NRG3: variants seen among roughly 807,000 people sequenced by gnomAD.
The protein encoded by NRG3 is pro-neuregulin-3, membrane-bound isoform.
A neutral mutation model predicts 66.9 loss-of-function variants in NRG3; 31 were observed. That is an observed-to-expected ratio of 0.46 (90% confidence interval 0.35 to 0.63). The LOEUF (loss-of-function observed/expected upper bound fraction) is 0.63, where lower values mean the gene tolerates loss of function less well. Among genes scored for constraint, NRG3 ranks in the 20% least tolerant of loss-of-function variants. The pLI is 0.00. For missense variants in NRG3, 910 were observed against 878.9 expected (o/e 1.04, Z -0.45); for synonymous variants, 393 against 359.4 (o/e 1.09, Z -1.06).
intron 1 of NRG3, among the ~76,000 whole-genome samples, chr10:81,884,938 A>G (rs1005310298): frequency 4.6e-5 from 7 of 152,324 alleles, no homozygotes; most frequent in Admixed American, 2.0e-4. Context: ...GTTTAGGTAG[A>G]ACATTTAACA....
intron 1 of NRG3, among the ~76,000 whole-genome samples, chr10:82,016,035 T>C (rs920211988): frequency 3.3e-5 from 5 of 150,606 alleles, no homozygotes; most frequent in Non-Finnish European, 7.4e-5. Flanking sequence ...AAATATGAGG[T>C]AGTTAGCAAC....
chr10:82,029,060 T>C (rs2132855744), intron 1 of NRG3, among the ~76,000 whole-genome samples: 1 of 151,864 alleles, frequency 6.6e-6, no homozygotes, highest in African/African-American at 2.4e-5. Context: ...AATAGAAAAA[T>C]TAGCCAGGCA....
chr10:81,900,015 C>T (rs999785827), intron 1 of NRG3, among the ~76,000 whole-genome samples: 4 of 149,936 alleles, frequency 2.7e-5, no homozygotes, highest in African/African-American at 7.4e-5. Context: ...TTGCTCTTGT[C>T]GCCCAGGCTA....
intron 2 of NRG3, among the ~76,000 whole-genome samples, chr10:82,677,607 A>C (rs2053806072): frequency 6.6e-6 from 1 of 152,020 alleles, no homozygotes; most frequent in African/African-American, 2.4e-5. Context: ...AACACTGCTT[A>C]GAATTATAGA....
chr10:82,869,248 T>A (rs1413822984), intron 4 of NRG3, among the ~76,000 whole-genome samples: 4 of 152,192 alleles, frequency 2.6e-5, no homozygotes, highest in Non-Finnish European at 5.9e-5. Context: ...ATAGCAAAAT[T>A]GAGTGCAAAT....
chr10:82,679,706 T>C lies in NRG3; in HGVS notation c.954-58871T>C, dbSNP rs1176807768. Among the ~76,000 whole-genome samples the C allele has an allele frequency of 2.0e-5, 3 of 152,124 alleles. No individual in the cohort carries two copies. The East Asian group carries it at 5.8e-4, about 29-fold the overall frequency. On this transcript the variant is annotated intron_variant, in intron 2 of 8. Transcript: ENST00000372141. The stretch of plus-strand genomic sequence containing the variant: ...CCCAAGTGACATATCTCAATCTTCA[T>C]ATCAACTCTATGAGATAAACACCAT...
At chr10:82,476,558 A>T (rs1841802474) in intron 2 of NRG3, among the ~76,000 whole-genome samples, 1 of 152,214 alleles carries the variant, frequency 6.6e-6, no homozygotes, top group Non-Finnish European at 1.5e-5. Context: ...ATGCTACAGC[A>T]TGAATGCATC....
Position 82,638,647 on chromosome 10 carries a change from CT to C in NRG3, c.954-99917del, listed in dbSNP as rs879678205. On this transcript the variant is annotated intron_variant, in intron 2 of 8. Transcript: ENST00000372141. ...CACTCCAAGGGATTCCTGAAATACA[CT>C]TTTTTTTTTTTTCTTTTGAGACGGA... 1.9e-3 allele frequency among the ~76,000 whole-genome samples: 280 copies of C among 145,586 alleles called. 1 individual carries two copies. The highest frequency in any genetic ancestry group is 4.0e-3 in the East Asian group (20 of 4,964).
intron 2 of NRG3, among the ~76,000 whole-genome samples, chr10:82,463,060 C>A (rs1009734508): frequency 6.6e-6 from 1 of 152,176 alleles, no homozygotes; most frequent in African/African-American, 2.4e-5. Flanking sequence ...CCCAGGCGTT[C>A]CTGGCCTCCT....
chr10:82,844,994 A>C (rs10885407), intron 3 of NRG3, among the ~76,000 whole-genome samples: 38,425 of 151,812 alleles, frequency 0.25, 5,457 homozygotes, highest in East Asian at 0.52. Context: ...GTTTCTACTA[A>C]AAATACAAAA....
intron 1 of NRG3, among the ~76,000 whole-genome samples, chr10:81,969,489 A>T (rs76678022): frequency 0.038 from 5,765 of 152,240 alleles, 139 homozygotes; most frequent in Non-Finnish European, 0.055. Flanking sequence ...GAGAGAGAGG[A>T]AACAGGCTTC....
chr10:82,038,936 G>A (rs1236676785), intron 1 of NRG3, among the ~76,000 whole-genome samples: 2 of 152,024 alleles, frequency 1.3e-5, no homozygotes, highest in Admixed American at 1.3e-4. Flanking sequence ...CTATTTTCAG[G>A]TTGTTTTATG....
intron 1 of NRG3, among the ~76,000 whole-genome samples, chr10:82,117,185 C>CATTACATACAA (rs2067780139): frequency 6.6e-6 from 1 of 152,086 alleles, no homozygotes; most frequent in Non-Finnish European, 1.5e-5. Flanking sequence ...GAAATAGTTC[C>CATTACATACAA]TCCCTACATT....
intron 1 of NRG3, among the ~76,000 whole-genome samples, chr10:81,945,102 T>C (rs1848735077): frequency 6.6e-6 from 1 of 152,168 alleles, no homozygotes; most frequent in African/African-American, 2.4e-5. Context: ...GGGCTCTTTC[T>C]CTTCCTGAAT....
At chr10:81,947,320 G>A (rs1055149041) in intron 1 of NRG3, among the ~76,000 whole-genome samples, 53 of 152,060 alleles carry the variant, frequency 3.5e-4, no homozygotes, top group African/African-American at 1.2e-3. Context: ...GCTCTCTAAA[G>A]ACCTCATTTC....
chr10:82,299,226 G>A (rs947229235), intron 1 of NRG3, among the ~76,000 whole-genome samples: 3 of 152,108 alleles, frequency 2.0e-5, no homozygotes, highest in African/African-American at 4.8e-5. Context: ...TGTTCCCTGA[G>A]GTCAGAATGG....
intron 2 of NRG3, among the ~76,000 whole-genome samples, chr10:82,669,720 A>G (rs954548195): frequency 1.3e-5 from 2 of 152,098 alleles, no homozygotes; most frequent in Non-Finnish European, 2.9e-5. Flanking sequence ...CGAGGTCAGG[A>G]GATCGAGAGC....
intron 1 of NRG3, among the ~76,000 whole-genome samples, chr10:82,298,634 A>C (rs1202958240): frequency 6.6e-5 from 10 of 152,082 alleles, no homozygotes; most frequent in African/African-American, 2.4e-4. Context: ...GATTATGCAA[A>C]TAATTAAAAA....
chr10:81,898,960 G>A (rs1843774784), intron 1 of NRG3, among the ~76,000 whole-genome samples: 1 of 152,084 alleles, frequency 6.6e-6, no homozygotes, highest in African/African-American at 2.4e-5. Flanking sequence ...TTGGATTATG[G>A]TCAACTTTAA....
Sources: gnomAD v4.1 joint callset for allele counts (sites outside exome capture counted in the v4.1 genomes callset) on GRCh38, gnomAD v4.1.1 for gene constraint, MANE v1.5 for transcripts, NCBI Gene and HGNC (gene_info 2026-07-23, HGNC 2026-07-21) for gene names.